Variants in AGBL1 observed in about 807,000 individuals in gnomAD.
AGBL1 encodes the protein AGBL carboxypeptidase 1.
Under a neutral mutation model 118.9 loss-of-function variants are expected in AGBL1, and 130 were observed. The observed-to-expected ratio is 1.09, with a 90% CI of 0.95 to 1.26. AGBL1 has a LOEUF of 1.26. AGBL1 is among the 50% of genes most tolerant of loss of function. The probability of loss-of-function intolerance (pLI) is 0.00; values close to 1 mark genes in which losing one functional copy is unlikely to be tolerated. For missense variants in AGBL1, 1,584 were observed against 1,298.1 expected (o/e 1.22, Z -3.38); for synonymous variants, 555 against 478.9 (o/e 1.16, Z -2.08).
chr15:86,133,186 C>T (rs1311263664), intron 1 of AGBL1, among the ~76,000 whole-genome samples: 1 of 152,172 alleles, frequency 6.6e-6, no homozygotes, highest in African/African-American at 2.4e-5. Flanking sequence ...TTCTGTCTTT[C>T]TCTCCCTGTC....
At chr15:86,732,934 T>C (rs941509624) in intron 22 of AGBL1, among the ~76,000 whole-genome samples, 3 of 149,890 alleles carry the variant, frequency 2.0e-5, no homozygotes, top group Non-Finnish European at 4.4e-5. Flanking sequence ...TTTGTAGATA[T>C]ATATATAGAG....
intron 18 of AGBL1, among the ~76,000 whole-genome samples, chr15:86,519,135 C>T (rs2083156293): frequency 6.6e-6 from 1 of 152,050 alleles, no homozygotes; most frequent in Admixed American, 6.6e-5. Flanking sequence ...ACACCTTCCC[C>T]ACACCCACCT....
intron 23 of AGBL1, among the ~76,000 whole-genome samples, chr15:86,944,047 G>C (rs113197955): frequency 2.0e-5 from 3 of 152,234 alleles, no homozygotes; most frequent in African/African-American, 7.2e-5. Context: ...TGAAATCTAA[G>C]ATAAGACCTG....
chr15:86,897,514 T>G (rs1312266166), intron 22 of AGBL1, among the ~76,000 whole-genome samples: 3 of 152,206 alleles, frequency 2.0e-5, no homozygotes, highest in East Asian at 3.9e-4. Flanking sequence ...TCTTATATAT[T>G]TGAATTGTAA....
chr15:86,217,891 G>C (rs2078215926), intron 5 of AGBL1, among the ~76,000 whole-genome samples: 1 of 152,162 alleles, frequency 6.6e-6, no homozygotes, highest in South Asian at 2.1e-4. Context: ...ATGTGAGGGT[G>C]CTCAAATCTG....
At chr15:86,097,699 A>G (rs1896468507) in intron 1 of AGBL1, among the ~76,000 whole-genome samples, 3 of 152,144 alleles carry the variant, frequency 2.0e-5, no homozygotes, top group Admixed American at 6.6e-5. Context: ...CATTGTGTAT[A>G]TATGCCACAT....
chr15:86,408,835 A>T (rs1190042857), intron 18 of AGBL1, among the ~76,000 whole-genome samples: 2 of 152,100 alleles, frequency 1.3e-5, no homozygotes, highest in Non-Finnish European at 1.5e-5. Context: ...TGTTATTCTG[A>T]TTCAGAAGGG....
At chr15:86,374,207 T>C (rs891069248) in intron 17 of AGBL1, among the ~76,000 whole-genome samples, 1 of 152,360 alleles carries the variant, frequency 6.6e-6, no homozygotes, top group Non-Finnish European at 1.5e-5. Flanking sequence ...CAATTAAGCA[T>C]GTAAATACTT....
rs1272263817 is a variant in AGBL1, at chr15:86,613,105, C to T, written c.2994+58568C>T. Among the ~76,000 whole-genome samples, 1 of 152,154 alleles carries T rather than the reference C, an allele frequency of 6.6e-6. No individual in the cohort carries two copies. Among genetic ancestry groups the T allele is most frequent in the East Asian group, 1.9e-4 (1 of 5,188 alleles). On this transcript the variant is annotated intron_variant, in intron 21 of 22. Coordinates refer to ENST00000614907, the MANE Select transcript of AGBL1 (RefSeq NM_001386094.1). The surrounding 1 kb of genome is among the most constrained non-coding windows in gnomAD (Gnocchi z 4.2). Reference sequence around the variant, plus strand: ...CACTTTGGGCACATGTTCTCAGGACCACCTGAGGCTGTGTTACAGGCCATG... The same window carrying T: ...CACTTTGGGCACATGTTCTCAGGACTACCTGAGGCTGTGTTACAGGCCATG...
chr15:86,691,051 A>G (rs1596373678), intron 22 of AGBL1, among the ~76,000 whole-genome samples: 1 of 151,438 alleles, frequency 6.6e-6, no homozygotes, highest in East Asian at 1.9e-4. Flanking sequence ...AGTAGGTTGC[A>G]TTTTTTTTTC....
chr15:86,457,680 A>C (rs16977340), intron 18 of AGBL1, among the ~76,000 whole-genome samples: 413 of 152,332 alleles, frequency 2.7e-3, no homozygotes, highest in African/African-American at 9.3e-3. Context: ...AGTCCAAGAG[A>C]TATATCTTCC....
Position 86,262,790 on chromosome 15 carries a change from G to C in AGBL1, c.982G>C (p.Glu328Gln), listed in dbSNP as rs770812651. The C allele has an allele frequency of 1.9e-6, 3 of 1,605,688 alleles. No individual in the cohort carries two copies. Among genetic ancestry groups the C allele is most frequent in the Non-Finnish European group, 2.6e-6 (3 of 1,175,110 alleles). ...TATTCCATTTTAGGATGATGACTTG[G>C]AAACAGACGTGAACAAGCTGAGTTC... ...EDGKVEDDDL[E>Q]TDVNKLSSKP... is the part of the protein sequence containing the mutation. The change falls in exon 10 of 23, where the codon GAA becomes CAA. Residue 328 changes from glutamate (E) to glutamine (Q), a missense_variant. Physicochemically the swap from Glu to Gln is conservative, Grantham distance 29. Transcript: ENST00000614907.
At chr15:86,705,506 C>G (rs1359098317) in intron 22 of AGBL1, among the ~76,000 whole-genome samples, 2 of 152,104 alleles carry the variant, frequency 1.3e-5, no homozygotes, top group Non-Finnish European at 2.9e-5. Context: ...ATGGCAAGAC[C>G]TCCATATGTA....
intron 23 of AGBL1, among the ~76,000 whole-genome samples, chr15:86,949,872 G>A (rs1220258832): frequency 2.0e-5 from 3 of 151,948 alleles, no homozygotes; most frequent in African/African-American, 4.8e-5. Context: ...TTGGACATAG[G>A]ACACTTATCA....
chr15:86,887,015 T>C (rs1461834107), intron 22 of AGBL1, among the ~76,000 whole-genome samples: 1 of 152,206 alleles, frequency 6.6e-6, no homozygotes, highest in Non-Finnish European at 1.5e-5. Flanking sequence ...GTTAGTGGAA[T>C]GCTCACAGAG....
intron 18 of AGBL1, among the ~76,000 whole-genome samples, chr15:86,509,416 G>C (rs922002864): frequency 6.6e-6 from 1 of 152,112 alleles, no homozygotes; most frequent in Non-Finnish European, 1.5e-5. Flanking sequence ...GTTTGTGTTG[G>C]GCAGTAATAG....
At chr15:86,919,884 G>A (rs1289949275), downstream of AGBL1, among the ~76,000 whole-genome samples, 1 of 152,194 alleles carries the variant, frequency 6.6e-6, no homozygotes, top group East Asian at 1.9e-4. Flanking sequence ...ATGGGACAAG[G>A]GAGAAGGAGT....
At position 86,233,882 on chromosome 15, in the gene AGBL1, A is replaced by G. The variant is rs544091494; in HGVS notation, c.526+8931A>G. Among the ~76,000 whole-genome samples, 227 of 152,304 alleles carry G rather than the reference A, an allele frequency of 1.5e-3. 3 individuals carry two copies. In the South Asian group the frequency reaches 0.045, roughly 30 times the overall value. ...TCCAGTTGGGATTTTACTGGCAGGCAGGATGGGCAGTATAATTCCACCTTC... is the reference window on the plus strand; with the variant it reads ...TCCAGTTGGGATTTTACTGGCAGGCGGGATGGGCAGTATAATTCCACCTTC... On this transcript the variant is annotated intron_variant, in intron 6 of 22. Transcript: ENST00000614907.
rs141338609 is a variant in AGBL1 at position 86,598,439 on chromosome 15, G to C, written c.2994+43902G>C. Among the ~76,000 whole-genome samples, 21 of 152,196 alleles carry C rather than the reference G, an allele frequency of 1.4e-4. No homozygotes were observed. The East Asian group carries it at 4.1e-3, about 29-fold the overall frequency. On this transcript the variant is annotated intron_variant, in intron 21 of 22. Coordinates refer to ENST00000614907, the MANE Select transcript of AGBL1 (RefSeq NM_001386094.1). ...TTTTCCTTAATGCAAAATATAGCCAGTTCTACTTTGCCTGTTTGATCCAAG... is the reference window on the plus strand; with the variant it reads ...TTTTCCTTAATGCAAAATATAGCCACTTCTACTTTGCCTGTTTGATCCAAG...
Sources: allele counts gnomAD v4.1 joint callset (sites outside exome capture counted in the v4.1 genomes callset), GRCh38; gene constraint gnomAD v4.1.1; non-coding constraint Gnocchi (gnomAD v3.1); transcripts MANE v1.5; gene names NCBI Gene and HGNC (gene_info 2026-07-23, HGNC 2026-07-21).